Variants in NIBAN2 observed in about 807,000 individuals in gnomAD.
NIBAN2 encodes niban apoptosis regulator 2.
A neutral mutation model predicts 81.8 loss-of-function variants in NIBAN2; 36 were observed. The ratio of observed to expected loss-of-function variants is 0.44; its 90% confidence interval spans 0.34 to 0.58. The LOEUF (loss-of-function observed/expected upper bound fraction) is 0.58. Ranked by LOEUF, NIBAN2 falls within the 20% of genes least tolerant of loss-of-function variation. The pLI, the probability that NIBAN2 is intolerant of heterozygous loss-of-function variation, is 0.02. For synonymous variants in NIBAN2, 445 were observed against 441.6 expected, an observed-to-expected ratio of 1.01 and a Z score of -0.10; for missense variants, 897 against 1,014.1, an observed-to-expected ratio of 0.88 and a Z score of 1.57.
At chr9:127,532,734 A>G (rs1837207546) in intron 1 of NIBAN2, among the ~76,000 whole-genome samples, 1 of 152,164 alleles carries the variant, frequency 6.6e-6, no homozygotes, top group Non-Finnish European at 1.5e-5. Context: ...CATTTAAAAA[A>G]AAAAAAATCG....
rs1836839681 is a variant in NIBAN2 at position 127,516,885 on chromosome 9, G to T, written c.945C>A (p.Ser315=). The T allele has an allele frequency of 6.2e-7, 1 of 1,614,198 alleles. No individual in the cohort carries two copies. Among genetic ancestry groups the T allele is most frequent in the African/African-American group, 1.3e-5 (1 of 75,064 alleles). Reference sequence around the variant, plus strand: ...GGATCTTGCTGGCAAGGTGCTCCTTGGAGGTGATAATTTGGTCCATGTCAG... The same window carrying T: ...GGATCTTGCTGGCAAGGTGCTCCTTTGAGGTGATAATTTGGTCCATGTCAG... ...IRTDMDQIIT[S]KEHLASKIRA... is the part of the protein sequence containing the mutation. Residue 315 remains serine, a synonymous_variant, in exon 8 of 14, where the codon TCC becomes TCA. Coordinates refer to ENST00000373312, the MANE Select transcript of NIBAN2 (RefSeq NM_022833.4).
At chr9:127,554,548 C>CTTTTTTTTTTTTTTTTTTTTTGT (rs1837632720) in intron 1 of NIBAN2, among the ~76,000 whole-genome samples, 1 of 103,706 alleles carries the variant, frequency 9.6e-6, no homozygotes, top group Non-Finnish European at 1.8e-5. Context: ...TTTTCTTTTT[C>CTTTTTTTTTTTTTTTTTTTTTGT]TTTTTTTTTT....
At position 127,516,962 on chromosome 9, in the gene NIBAN2, C is replaced by T. The variant is rs757238376; in HGVS notation, c.868G>A (p.Val290Met). 6 of 1,614,026 alleles carry T rather than the reference C, an allele frequency of 3.7e-6. No individual in the cohort carries two copies. The highest frequency in any genetic ancestry group is 4.5e-5 in the East Asian group (2 of 44,890). Residue 290 changes from valine to methionine, a missense_variant, in exon 8 of 14, where the codon GTG (valine) becomes ATG (methionine). This residue lies in a region of NIBAN2 where 619 missense variants were observed against 691.0 expected (regional missense o/e 0.90). Coordinates refer to ENST00000373312, the MANE Select transcript of NIBAN2 (RefSeq NM_022833.4). The part of the protein sequence containing the change: ...YEQAKARFEE[V>M]LSKVQQVQPA... ...TGCACCTGCTGCACCTTGGACAGCA[C>T]CTCCTCGAAGCGCGCCTTGGCCTGC...
upstream of NIBAN2, among the ~76,000 whole-genome samples, chr9:127,570,757 GGCCCA>G (rs1837937474): frequency 6.6e-6 from 1 of 152,256 alleles, no homozygotes; most frequent in Admixed American, 6.5e-5. Context: ...CATGGGCAGG[GGCCCA>G]GCCTTTGAGG....
At chr9:127,552,578 AAAAC>A (rs1209013870) in intron 1 of NIBAN2, among the ~76,000 whole-genome samples, 5 of 152,198 alleles carry the variant, frequency 3.3e-5, no homozygotes, top group Admixed American at 2.0e-4. Context: ...TGCCATCTCA[AAAAC>A]AAACAAACAA....
At chr9:127,540,152 C>T (rs902742054) in intron 1 of NIBAN2, among the ~76,000 whole-genome samples, 32 of 152,286 alleles carry the variant, frequency 2.1e-4, no homozygotes, top group African/African-American at 7.2e-4. Flanking sequence ...GCAGCCAAGG[C>T]GGCCGGAACG....
chr9:127,572,702 G>A (rs1027183010), upstream of NIBAN2, among the ~76,000 whole-genome samples: 2 of 151,942 alleles, frequency 1.3e-5, no homozygotes, highest in Non-Finnish European at 2.9e-5. Context: ...GGGTAGTAAT[G>A]ATAAAGCCCA....
intron 3 of NIBAN2, 103 bp from the exon 4 acceptor site, chr9:127,525,266 A>T (rs1009104661): frequency 3.6e-5 from 27 of 740,612 alleles, no homozygotes; most frequent in Non-Finnish European, 6.1e-5. Context: ...AGTGGGGAGG[A>T]GAAGGGAAAG....
In NIBAN2 at chr9:127,538,335, G is replaced by C. The variant is rs1341314615; in HGVS notation, c.56-6557C>G. On this transcript the variant is annotated intron_variant, in intron 1 of 13. Coordinates refer to ENST00000373312, the MANE Select transcript of NIBAN2 (RefSeq NM_022833.4). The stretch of plus-strand genomic sequence containing the variant: ...GGTGCCTATCCACCGACAACTTACT[G>C]CATGCTCCACAGCCTGTTTAATCCT... 4.6e-5 allele frequency among the ~76,000 whole-genome samples: 7 copies of C among 152,106 alleles called. No individual in the cohort carries two copies. The South Asian group carries it at 1.2e-3, about 27-fold the overall frequency.
rs1837905106 is a variant in NIBAN2 at position 127,568,860 on chromosome 9, C to T, written c.15G>A (p.Leu5=). MGDV[L]STHLDDARRQ... ...GCCGGGCGTCGTCCAGGTGCGTGGA[C>T]AGCACGTCCCCCATGGCCAGGAGGT... The change falls in exon 1 of 14, where the codon CTG becomes CTA. Residue 5 remains leucine, a synonymous_variant. Coordinates refer to ENST00000373312, the MANE Select transcript of NIBAN2 (RefSeq NM_022833.4). 4 of 1,363,858 alleles carry T rather than the reference C, an allele frequency of 2.9e-6. No individual in the cohort carries two copies. The highest frequency in any genetic ancestry group is 1.6e-5 in the South Asian group (1 of 63,736). The allele number at this position is 1,363,858 out of a possible 1,614,324, so 84.5% of individuals were successfully genotyped here. A position where few individuals can be genotyped will look rare whatever the true frequency, so the allele number is the denominator to read the frequency against.
chr9:127,530,548 G>A (rs531114765), intron 2 of NIBAN2, among the ~76,000 whole-genome samples: 3 of 152,202 alleles, frequency 2.0e-5, no homozygotes, highest in East Asian at 1.9e-4. Flanking sequence ...TCTGGCCCAC[G>A]CTGACCCTCA....
At chr9:127,509,750 C>T (rs1189000527) in intron 9 of NIBAN2, 3 of 158,064 alleles carry the variant, frequency 1.9e-5, no homozygotes, top group African/African-American at 7.3e-5. Context: ...CATTACTCCA[C>T]CTGAAGCCCG....
At chr9:127,535,273 T>A (rs1837254489) in intron 1 of NIBAN2, among the ~76,000 whole-genome samples, 1 of 152,202 alleles carries the variant, frequency 6.6e-6, no homozygotes, top group Non-Finnish European at 1.5e-5. Context: ...CAGGTCTGCC[T>A]GACCGCAGCC....
chr9:127,520,139 G>C lies in NIBAN2; in HGVS notation c.590-2198C>G, dbSNP rs1414595892. On this transcript the variant is annotated intron_variant, in intron 5 of 13. Coordinates refer to ENST00000373312, the MANE Select transcript of NIBAN2 (RefSeq NM_022833.4). ...TCTTCCCGTGAGCCTAGCTGTTAGG[G>C]GCTGAAGTGTGTCTCCACACCCCCC... 2.0e-5 allele frequency among the ~76,000 whole-genome samples: 3 copies of C among 152,166 alleles called. No individual in the cohort carries two copies. In the East Asian group the frequency reaches 5.8e-4, roughly 29 times the overall value.
intron 1 of NIBAN2, among the ~76,000 whole-genome samples, chr9:127,577,169 G>A (rs1051011882): frequency 5.3e-5 from 8 of 151,924 alleles, no homozygotes; most frequent in East Asian, 3.9e-4. Flanking sequence ...TTAGCCAGGC[G>A]TGGTGGTGCA....
chr9:127,524,628 T>C (rs573334140), intron 4 of NIBAN2, among the ~76,000 whole-genome samples: 24 of 152,264 alleles, frequency 1.6e-4, no homozygotes, highest in African/African-American at 5.1e-4. Context: ...GCCCAGGCCC[T>C]CCATCACCAC....
chr9:127,520,124 A>C (rs1403523763), intron 5 of NIBAN2, among the ~76,000 whole-genome samples: 1 of 151,694 alleles, frequency 6.6e-6, no homozygotes. Flanking sequence ...TCTTCCCGTG[A>C]GCCTAGCTGT....
At chr9:127,525,280 GAAGAGGCAA>G (rs1458177661) in intron 3 of NIBAN2, 117 bp from the exon 4 acceptor site, 38 of 669,224 alleles carry the variant, frequency 5.7e-5, no homozygotes, top group Admixed American at 2.5e-4. Flanking sequence ...GGGAAAGGAA[GAAGAGGCAA>G]GAGAGGAACA....
Position 127,535,902 on chromosome 9 carries a change from G to A in NIBAN2, c.56-4124C>T, listed in dbSNP as rs143187372. Among the ~76,000 whole-genome samples, 418 of 152,180 alleles carry A rather than the reference G, an allele frequency of 2.7e-3. 3 individuals are homozygous for A. Among genetic ancestry groups the A allele is most frequent in the African/African-American group, 9.2e-3 (381 of 41,530 alleles). ...TACTAAGTCCAAACAAGGGAAGGCC[G>A]TGGGGCAGGCATCGGAGGGGGTACT... is the stretch of plus-strand genomic sequence containing the variant. On this transcript the variant is annotated intron_variant, in intron 1 of 13. Coordinates refer to ENST00000373312, the MANE Select transcript of NIBAN2 (RefSeq NM_022833.4).
Sources: allele counts gnomAD v4.1 joint callset (sites outside exome capture counted in the v4.1 genomes callset), GRCh38; gene constraint gnomAD v4.1.1; regional missense constraint gnomAD v4.1.1; transcripts MANE v1.5; gene names NCBI Gene and HGNC (gene_info 2026-07-23, HGNC 2026-07-21).